Variants in COL4A2 observed in about 807,000 individuals in gnomAD.
COL4A2 encodes collagen alpha-2(IV) chain.
COL4A2 carries 99 observed loss-of-function variants against 200.2 expected under a neutral mutation model. The observed-to-expected ratio is 0.49, with a 90% CI of 0.42 to 0.58. The LOEUF is 0.58. Among genes scored for constraint, COL4A2 ranks in the 20% least tolerant of loss-of-function variants. The pLI, the probability that COL4A2 is intolerant of heterozygous loss-of-function variation, is 0.00. For synonymous variants in COL4A2, 897 were observed against 900.6 expected (o/e 1.00, Z 0.07); for missense variants, 1,950 against 2,314.1 (o/e 0.84, Z 3.23).
chr13:110,472,113 C>CTTT (rs112919154), intron 28 of COL4A2, among the ~76,000 whole-genome samples: 2 of 145,958 alleles, frequency 1.4e-5, no homozygotes, highest in Admixed American at 6.8e-5. Context: ...TTTCTTTTTT[C>CTTT]TTTTTATTTT....
At chr13:110,330,753 G>A (rs1434522582) in intron 3 of COL4A2, among the ~76,000 whole-genome samples, 2 of 152,014 alleles carry the variant, frequency 1.3e-5, no homozygotes, top group African/African-American at 2.4e-5. Context: ...TTAAATGAAA[G>A]ACCTCCTACT....
At chr13:110,457,595 G>A (rs552956305) in intron 21 of COL4A2, 160 bp downstream of exon 21, 9 of 700,906 alleles carry the variant, frequency 1.3e-5, no homozygotes, top group African/African-American at 1.1e-4. Flanking sequence ...GCACTGAGAG[G>A]GAGGCGCATG....
intron 22 of COL4A2, chr13:110,461,894 C>T (rs1410619750): frequency 1.5e-5 from 9 of 617,418 alleles, no homozygotes; most frequent in African/African-American, 5.5e-5. Flanking sequence ...TCCCACCATC[C>T]GCAGTTCCAG....
chr13:110,349,035 G>A (rs763096781), intron 3 of COL4A2, among the ~76,000 whole-genome samples: 2 of 151,860 alleles, frequency 1.3e-5, no homozygotes, highest in Non-Finnish European at 1.5e-5. Context: ...TTTTTCATTC[G>A]TCTACATGGC....
intron 4 of COL4A2, among the ~76,000 whole-genome samples, chr13:110,412,580 C>T (rs1434112400): frequency 6.6e-6 from 1 of 152,216 alleles, no homozygotes; most frequent in Non-Finnish European, 1.5e-5. Flanking sequence ...CATTAAACAT[C>T]TTCCTTTTAT....
At chr13:110,384,486 T>G (rs547604465) in intron 4 of COL4A2, among the ~76,000 whole-genome samples, 1 of 152,214 alleles carries the variant, frequency 6.6e-6, no homozygotes, top group Non-Finnish European at 1.5e-5. Context: ...TTGCGGGCCA[T>G]GCTCTCAGGT....
intron 29 of COL4A2, among the ~76,000 whole-genome samples, chr13:110,476,701 A>G (rs1312587032): frequency 2.0e-5 from 3 of 152,242 alleles, no homozygotes; most frequent in Admixed American, 2.0e-4. Context: ...ATAATCGGAG[A>G]GCAGCTGCGA....
chr13:110,358,994 T>C (rs1373910256), intron 4 of COL4A2, among the ~76,000 whole-genome samples: 1 of 152,206 alleles, frequency 6.6e-6, no homozygotes, highest in African/African-American at 2.4e-5. Context: ...ATAGTTATAA[T>C]AAGCAGAAAT....
intron 3 of COL4A2, among the ~76,000 whole-genome samples, chr13:110,324,692 A>T (rs1176297658): frequency 6.6e-6 from 1 of 152,222 alleles, no homozygotes; most frequent in East Asian, 1.9e-4. Flanking sequence ...AGTGAGCAGC[A>T]GGTCCTAGAA....
intron 40 of COL4A2, among the ~76,000 whole-genome samples, chr13:110,499,674 G>C (rs954015412): frequency 6.6e-6 from 1 of 152,216 alleles, no homozygotes; most frequent in African/African-American, 2.4e-5. Context: ...ACCCCTGTTA[G>C]TGAGACTCTT....
At chr13:110,340,760 T>C (rs1208327621) in intron 3 of COL4A2, among the ~76,000 whole-genome samples, 3 of 152,132 alleles carry the variant, frequency 2.0e-5, no homozygotes, top group Admixed American at 6.5e-5. Flanking sequence ...CCTTGGCTGT[T>C]AAGTTCCCCG....
rs576735425 is a variant in COL4A2, at chr13:110,446,104, C to T, written c.1011+222C>T. Among the ~76,000 whole-genome samples, 44 of 152,288 alleles carry T rather than the reference C, an allele frequency of 2.9e-4. 1 individual carries two copies. Among genetic ancestry groups the T allele is most frequent in the Middle Eastern group, 6.8e-3 (2 of 294 alleles). ...GGGTGCCACCTGCCACTCAGGGCCA[C>T]GTAGGGGTGCGCTCAGGCACAGAGG... On this transcript the variant is annotated intron_variant, in intron 17 of 47. Transcript: ENST00000360467.
intron 45 of COL4A2, 83 bp from the exon 46 acceptor site, chr13:110,506,332 G>A (rs1883871907): frequency 7.2e-7 from 1 of 1,383,602 alleles, no homozygotes; most frequent in African/African-American, 1.5e-5. Flanking sequence ...TCAGGCTGTA[G>A]GTGCACCAGG....
intron 4 of COL4A2, among the ~76,000 whole-genome samples, chr13:110,380,140 G>T (rs1267821349): frequency 6.6e-6 from 1 of 152,192 alleles, no homozygotes; most frequent in African/African-American, 2.4e-5. Flanking sequence ...TCACCAAAGA[G>T]CACATTAGTC....
chr13:110,446,713 C>T (rs981145444), intron 17 of COL4A2, 85 bp from the exon 18 acceptor site: 8 of 1,189,184 alleles, frequency 6.7e-6, no homozygotes, highest in Admixed American at 3.5e-5. Context: ...GGTCCACGCT[C>T]GGGTTTCTTC....
chr13:110,485,899 A>G (rs1456459352), intron 34 of COL4A2, 63 bp downstream of exon 34: 9 of 1,593,850 alleles, frequency 5.6e-6, no homozygotes, highest in Non-Finnish European at 6.8e-6. Flanking sequence ...TTGTGAATGG[A>G]CATGCTTTGG....
At chr13:110,389,791 G>A (rs2139420952) in intron 4 of COL4A2, among the ~76,000 whole-genome samples, 1 of 151,888 alleles carries the variant, frequency 6.6e-6, no homozygotes, top group South Asian at 2.1e-4. Flanking sequence ...AGCTGACCAA[G>A]ATAAGCATTC....
intron 3 of COL4A2, 129 bp downstream of exon 3, chr13:110,308,252 C>A (rs1884858552): frequency 2.0e-6 from 2 of 1,021,408 alleles, no homozygotes; most frequent in African/African-American, 1.6e-5. Flanking sequence ...CGCCAGGCTG[C>A]CCACCAAGGT....
At chr13:110,338,993 T>C (rs1340009422) in intron 3 of COL4A2, among the ~76,000 whole-genome samples, 1 of 152,224 alleles carries the variant, frequency 6.6e-6, no homozygotes, top group African/African-American at 2.4e-5. Context: ...CAGTGACTTG[T>C]GGTTGGCAGT....
Sources: gnomAD v4.1 joint callset for allele counts (sites outside exome capture counted in the v4.1 genomes callset) on GRCh38, gnomAD v4.1.1 for gene constraint, MANE v1.5 for transcripts, NCBI Gene and HGNC (gene_info 2026-07-23, HGNC 2026-07-21) for gene names.